ARHGAP26: variants seen among roughly 807,000 people sequenced by gnomAD.
The protein encoded by ARHGAP26 is Rho GTPase activating protein 26.
In ARHGAP26, 38 loss-of-function variants were observed where a neutral mutation model predicts 104.8. The ratio of observed to expected loss-of-function variants is 0.36; its 90% confidence interval spans 0.28 to 0.48. ARHGAP26 has a LOEUF of 0.48. Among genes scored for constraint, ARHGAP26 ranks in the 20% least tolerant of loss-of-function variants. The pLI is 0.99. For synonymous variants in ARHGAP26, 341 were observed against 340.0 expected (o/e 1.00, Z -0.03); for missense variants, 704 against 947.9 (o/e 0.74, Z 3.38).
At chr5:143,188,980 C>T (rs147958400) in intron 20 of ARHGAP26, among the ~76,000 whole-genome samples, 472 of 152,228 alleles carry the variant, frequency 3.1e-3, no homozygotes, top group African/African-American at 0.011. Flanking sequence ...ATGGAACAAG[C>T]GACATACTCT....
intron 1 of ARHGAP26, among the ~76,000 whole-genome samples, chr5:142,869,280 C>T (rs1316802414): frequency 2.0e-5 from 3 of 150,526 alleles, no homozygotes; most frequent in Non-Finnish European, 4.4e-5. Context: ...AACCTCGGCT[C>T]ACTGCAGCCT....
rs1413449748 is a variant in ARHGAP26, at chr5:142,890,150, AAATATATATATATATATATATATAT to A, written c.487-4086_487-4062del. ...AAACTCCGTCTTAAAAAAAAAAAAA[AAATATATATATATATATATATATAT>A]ATATATATATATATATATATATGAA... On this transcript the variant is annotated intron_variant, in intron 5 of 22. Transcript: ENST00000645722. Among the ~76,000 whole-genome samples the A allele has an allele frequency of 2.0e-4, 14 of 70,960 alleles. 1 individual carries two copies. The highest frequency in any genetic ancestry group is 1.8e-3 in the East Asian group (3 of 1,666). 46.6% of individuals were successfully genotyped at this position (70,960 alleles called of 152,430 possible). A position where few individuals can be genotyped will look rare whatever the true frequency, so the allele number is the denominator to read the frequency against.
intron 1 of ARHGAP26, among the ~76,000 whole-genome samples, chr5:142,840,482 G>A (rs1309185121): frequency 2.0e-5 from 3 of 152,110 alleles, no homozygotes; most frequent in Non-Finnish European, 4.4e-5. Flanking sequence ...AAATGTCTTA[G>A]GGGTTTGTGA....
chr5:142,953,283 CTA>C (rs1385150233), intron 11 of ARHGAP26, among the ~76,000 whole-genome samples: 1 of 152,192 alleles, frequency 6.6e-6, no homozygotes, highest in Non-Finnish European at 1.5e-5. Flanking sequence ...ACCAGCCACT[CTA>C]TAGGTGCTGA....
At chr5:143,165,772 A>G (rs1156666615) in intron 20 of ARHGAP26, among the ~76,000 whole-genome samples, 1 of 152,054 alleles carries the variant, frequency 6.6e-6, no homozygotes, top group Non-Finnish European at 1.5e-5. Context: ...TATGTGCATG[A>G]TGTGTATTAT....
At position 142,834,245 on chromosome 5, in the gene ARHGAP26, T is replaced by C. The variant is rs145325821; in HGVS notation, c.155-39155T>C. Among the ~76,000 whole-genome samples, 996 of 152,336 alleles carry C rather than the reference T, an allele frequency of 6.5e-3. 9 individuals carry two copies. The highest frequency in any genetic ancestry group is 0.031 in the Middle Eastern group (9 of 294). On this transcript the variant is annotated intron_variant, in intron 1 of 22. Coordinates refer to ENST00000645722, the MANE Select transcript of ARHGAP26 (RefSeq NM_001135608.3). ...AATTATCACACAGTGAATACACTTA[T>C]GTAATGGCAACCCAGGCCAAGCAAT...
chr5:142,811,979 T>A (rs1764159896), intron 1 of ARHGAP26, among the ~76,000 whole-genome samples: 1 of 152,186 alleles, frequency 6.6e-6, no homozygotes, highest in Admixed American at 6.5e-5. Flanking sequence ...GAAGAACTCC[T>A]GGTCACCTCC....
chr5:142,855,595 G>A (rs148911776), intron 1 of ARHGAP26, among the ~76,000 whole-genome samples: 8 of 152,232 alleles, frequency 5.3e-5, no homozygotes, highest in Non-Finnish European at 1.2e-4. Flanking sequence ...CTGGCTGCCC[G>A]TTATGTACTA....
intron 17 of ARHGAP26, among the ~76,000 whole-genome samples, chr5:143,107,576 A>G (rs1305429060): frequency 6.6e-6 from 1 of 152,222 alleles, no homozygotes; most frequent in Non-Finnish European, 1.5e-5. Flanking sequence ...CCTGCACAAT[A>G]GAAAGCATTT....
intron 20 of ARHGAP26, among the ~76,000 whole-genome samples, chr5:143,179,492 T>A (rs1803990431): frequency 6.6e-6 from 1 of 152,230 alleles, no homozygotes; most frequent in Non-Finnish European, 1.5e-5. Context: ...CACATTGCCC[T>A]TGCTGCTCAG....
chr5:143,213,505 A>C (rs1809840909), intron 21 of ARHGAP26, among the ~76,000 whole-genome samples: 5 of 152,064 alleles, frequency 3.3e-5, no homozygotes, highest in Admixed American at 3.3e-4. Flanking sequence ...CATCTGGGAG[A>C]GCTCATGTCC....
chr5:143,004,190 G>C (rs764372728), intron 11 of ARHGAP26, among the ~76,000 whole-genome samples: 6 of 152,166 alleles, frequency 3.9e-5, no homozygotes, highest in Admixed American at 2.6e-4. Flanking sequence ...CTCAGCTGTT[G>C]TTATAGGTAA....
At chr5:143,168,268 G>C (rs1372153089) in intron 20 of ARHGAP26, among the ~76,000 whole-genome samples, 1 of 152,056 alleles carries the variant, frequency 6.6e-6, no homozygotes, top group East Asian at 1.9e-4. Flanking sequence ...TACCTCTTCA[G>C]ACACTAAAGC....
In ARHGAP26 at chr5:143,138,896, G is replaced by A. The variant is rs565089900; in HGVS notation, c.1837+4791G>A. Among the ~76,000 whole-genome samples the A allele has an allele frequency of 7.9e-5, 12 of 152,264 alleles. No individual in the cohort carries two copies. The East Asian group carries it at 2.1e-3, about 27-fold the overall frequency. ...ACGCTCAGGGTTACACGGCAACAACGTAGATTTGAACCCTGTCATTCTACC... is the reference window on the plus strand; with the variant it reads ...ACGCTCAGGGTTACACGGCAACAACATAGATTTGAACCCTGTCATTCTACC... On this transcript the variant is annotated intron_variant, in intron 19 of 22. Coordinates refer to ENST00000645722, the MANE Select transcript of ARHGAP26 (RefSeq NM_001135608.3).
chr5:143,047,564 G>A lies in ARHGAP26; in HGVS notation c.1285+5674G>A, dbSNP rs1191110281. ...GCTCTTAAATGATATTCCCAAGTGT[G>A]TAGTTAGCAAAGTCTGAGGGAGACT... is the stretch of plus-strand genomic sequence containing the variant. On this transcript the variant is annotated intron_variant, in intron 14 of 22. Transcript: ENST00000645722. 2.0e-5 allele frequency among the ~76,000 whole-genome samples: 3 copies of A among 152,206 alleles called. No homozygotes were observed. The East Asian group carries it at 5.8e-4, about 29-fold the overall frequency.
At chr5:143,097,541 C>T (rs1792554617) in intron 17 of ARHGAP26, among the ~76,000 whole-genome samples, 1 of 151,964 alleles carries the variant, frequency 6.6e-6, no homozygotes, top group Admixed American at 6.6e-5. Context: ...TATGCAATGG[C>T]CGGGCGCGGT....
At chr5:142,807,248 T>G (rs1266091179) in intron 1 of ARHGAP26, among the ~76,000 whole-genome samples, 1 of 152,224 alleles carries the variant, frequency 6.6e-6, no homozygotes, top group African/African-American at 2.4e-5. Context: ...GGTTATTCCT[T>G]TTTTGTGAGA....
chr5:143,009,294 C>T (rs556384130), intron 11 of ARHGAP26, among the ~76,000 whole-genome samples: 6 of 152,272 alleles, frequency 3.9e-5, no homozygotes, highest in East Asian at 3.9e-4. Context: ...CCTTTATCAT[C>T]GTCAGCATCA....
chr5:143,178,450 G>A (rs1166750204), intron 20 of ARHGAP26, among the ~76,000 whole-genome samples: 2 of 152,150 alleles, frequency 1.3e-5, no homozygotes, highest in Non-Finnish European at 2.9e-5. Flanking sequence ...TAGAAAGATG[G>A]GAGACTGCAG....
Sources: gnomAD v4.1 joint callset for allele counts (sites outside exome capture counted in the v4.1 genomes callset) on GRCh38, gnomAD v4.1.1 for gene constraint, MANE v1.5 for transcripts, NCBI Gene and HGNC (gene_info 2026-07-23, HGNC 2026-07-21) for gene names.